ADPGK: variants seen among roughly 807,000 people sequenced by gnomAD.
ADPGK encodes ADP-dependent glucokinase.
Under a neutral mutation model 42.4 loss-of-function variants are expected in ADPGK, and 26 were observed. The observed-to-expected ratio is 0.61, with a 90% CI of 0.45 to 0.85. ADPGK has a LOEUF of 0.85. Among genes scored for constraint, ADPGK ranks in the 40% least tolerant of loss-of-function variants. ADPGK has a pLI of 0.00. For missense variants in ADPGK, 571 were observed against 627.0 expected, an observed-to-expected ratio of 0.91 and a Z score of 0.95; for synonymous variants, 267 against 252.6, an observed-to-expected ratio of 1.06 and a Z score of -0.54.
Position 72,756,277 on chromosome 15 carries a change from C to G in ADPGK, c.814G>C (p.Glu272Gln), listed in dbSNP as rs748487995. 1 of 1,614,210 alleles carries G rather than the reference C, an allele frequency of 6.2e-7. No individual in the cohort carries two copies. Among genetic ancestry groups the G allele is most frequent in the Non-Finnish European group, 8.5e-7 (1 of 1,180,040 alleles). Residue 272 changes from glutamate to glutamine, a missense_variant, in exon 5 of 7, where the codon GAG becomes CAG. Glu to Gln is a conservative substitution (Grantham distance 29, BLOSUM62 2). This residue lies in a region of ADPGK where 434 missense variants were observed against 522.7 expected (regional missense o/e 0.83). Coordinates refer to ENST00000456471, the MANE Select transcript of ADPGK (RefSeq NM_001365225.1). The part of the protein sequence containing the change: ...GLHMMEGQSK[E>Q]LQRKRLLEVV... ...TCCAAGAGTCTCTTCCTCTGGAGCT[C>G]CTTGCTTTGTCCCTCCATCATGTGC...
At position 72,783,691 on chromosome 15, in the gene ADPGK, T is replaced by TG; in HGVS notation, c.-1dup. 2 of 1,478,034 alleles carry TG rather than the reference T, an allele frequency of 1.4e-6. No individual in the cohort carries two copies. Among genetic ancestry groups the TG allele is most frequent in the Non-Finnish European group, 8.9e-7 (1 of 1,121,018 alleles). The allele number at this position is 1,478,034 out of a possible 1,614,324, so 91.6% of individuals were successfully genotyped here. A position where few individuals can be genotyped will look rare whatever the true frequency, so the allele number is the denominator to read the frequency against. ...TACGCGGAGCCGCGCCACAGCGCCA[T>TG]GGGGACCCAGGCGCCGCACCTGCGC... is the stretch of plus-strand genomic sequence containing the variant. On this transcript the variant is annotated 5_prime_UTR_variant, in exon 1 of 7. Transcript: ENST00000456471.
chr15:72,778,727 C>G (rs750051928), intron 1 of ADPGK, among the ~76,000 whole-genome samples: 10 of 152,176 alleles, frequency 6.6e-5, no homozygotes, highest in Admixed American at 1.3e-4. Flanking sequence ...AAGGTTTTCT[C>G]TAGCTTTACA....
At chr15:72,783,256 G>C in intron 1 of ADPGK, 1 of 1,241,502 alleles carries the variant, frequency 8.1e-7, no homozygotes, top group African/African-American at 1.5e-5. Flanking sequence ...CGGGATGAGA[G>C]AAAGGCGCAG....
At chr15:72,768,966 C>T (rs1408482585) in intron 3 of ADPGK, among the ~76,000 whole-genome samples, 3 of 117,518 alleles carry the variant, frequency 2.6e-5, no homozygotes, top group African/African-American at 8.1e-5. Flanking sequence ...AAGGCCAGAT[C>T]CTGTCTCTCA....
chr15:72,752,733 TC>T lies in ADPGK; in HGVS notation c.1101del (p.Arg368GlyfsTer53). On this transcript the variant is annotated frameshift_variant, in exon 7 of 7. Transcript: ENST00000456471. LOFTEE classifies it high-confidence loss of function. Reference protein sequence around the residue: ...DILFWILKEHGRSKSRASDLT... With the variant: ...DILFWILKEHXRSKSRASDLT... ...AGATCCGAGGCTCTGCTTTTACTCC[TC>T]CCATGTTCTTTCAAGATCCAGAAGA... 6.2e-7 allele frequency: 1 copy of T among 1,614,108 alleles called. No individual in the cohort carries two copies. Among genetic ancestry groups the T allele is most frequent in the Non-Finnish European group, 8.5e-7 (1 of 1,180,016 alleles).
At chr15:72,778,549 A>T (rs927325400) in intron 1 of ADPGK, among the ~76,000 whole-genome samples, 7 of 152,164 alleles carry the variant, frequency 4.6e-5, no homozygotes, top group Admixed American at 4.6e-4. Context: ...GAAAACACAG[A>T]TGAAACAACT....
chr15:72,760,467 C>T lies in ADPGK; in HGVS notation c.583G>A (p.Val195Ile), dbSNP rs1403512597. 2 of 1,610,766 alleles carry T rather than the reference C, an allele frequency of 1.2e-6. No individual in the cohort carries two copies. Among genetic ancestry groups the T allele is most frequent in the Non-Finnish European group, 1.7e-6 (2 of 1,177,454 alleles). ...LHELLDDNVFVPPESLQEVDE... is the reference protein window; with the variant it reads ...LHELLDDNVFIPPESLQEVDE... Reference sequence around the variant, plus strand: ...ACTTCCTGCAATGACTCTGGTGGAACAAAGACATTGTCATCAAGAAGCTCA... The same window carrying T: ...ACTTCCTGCAATGACTCTGGTGGAATAAAGACATTGTCATCAAGAAGCTCA... The change falls in exon 4 of 7, where the codon GTT becomes ATT. Residue 195 changes from valine (V) to isoleucine (I), a missense_variant. Coordinates refer to ENST00000456471, the MANE Select transcript of ADPGK (RefSeq NM_001365225.1).
At chr15:72,780,209 C>T (rs568445472) in intron 1 of ADPGK, among the ~76,000 whole-genome samples, 3 of 152,268 alleles carry the variant, frequency 2.0e-5, no homozygotes, top group South Asian at 2.1e-4. Flanking sequence ...TTCAGCATGG[C>T]TGGGAAGGCC....
chr15:72,754,028 A>T (rs1411596582), intron 6 of ADPGK, among the ~76,000 whole-genome samples: 1 of 150,284 alleles, frequency 6.7e-6, no homozygotes, highest in Admixed American at 6.7e-5. Flanking sequence ...GTATATGGGA[A>T]CTCTCTTGGA....
At chr15:72,758,079 T>A in intron 4 of ADPGK, 3 of 1,612,190 alleles carry the variant, frequency 1.9e-6, no homozygotes, top group Non-Finnish European at 2.5e-6. Flanking sequence ...AAGAGTCTCT[T>A]CCTCTGGAGC....
At chr15:72,776,819 T>A (rs777151177) in intron 1 of ADPGK, among the ~76,000 whole-genome samples, 1 of 152,214 alleles carries the variant, frequency 6.6e-6, no homozygotes, top group African/African-American at 2.4e-5. Flanking sequence ...GTTTTGCCTA[T>A]CAAATAGCAT....
chr15:72,758,567 A>G, intron 4 of ADPGK: 1 of 214,064 alleles, frequency 4.7e-6, no homozygotes, highest in Non-Finnish European at 9.5e-6. Flanking sequence ...GGAAAATGTC[A>G]CCTCACAAAG....
rs1307447538 is a variant in ADPGK, at chr15:72,768,959, G to C, written c.522+2824C>G. The stretch of plus-strand genomic sequence containing the variant: ...ACTGCACTCCAGCCTGGATGACAAG[G>C]CCAGATCCTGTCTCTCAAAAAAAAA... On this transcript the variant is annotated intron_variant, in intron 3 of 6. Transcript: ENST00000456471. 2.1e-5 allele frequency among the ~76,000 whole-genome samples: 3 copies of C among 139,728 alleles called. No individual in the cohort carries two copies. The Admixed American group carries it at 2.3e-4, about 11-fold the overall frequency. The allele number at this position is 139,728 out of a possible 152,430, so 91.7% of individuals were successfully genotyped here.
intron 1 of ADPGK, among the ~76,000 whole-genome samples, chr15:72,777,132 CTCA>C (rs2151092515): frequency 6.6e-6 from 1 of 152,302 alleles, no homozygotes; most frequent in South Asian, 2.1e-4. Flanking sequence ...GCAAACTGGT[CTCA>C]ATTTTACCTC....
chr15:72,774,073 G>A (rs1364590671), intron 2 of ADPGK, among the ~76,000 whole-genome samples: 1 of 152,140 alleles, frequency 6.6e-6, no homozygotes, highest in Admixed American at 6.5e-5. Context: ...AAACTCCTGG[G>A]CTCAAGCAAT....
At chr15:72,760,255 T>C in intron 4 of ADPGK, 152 bp downstream of exon 4, 1 of 962,834 alleles carries the variant, frequency 1.0e-6, no homozygotes, top group Non-Finnish European at 1.5e-6. Context: ...CAGTATCAGC[T>C]CAGTAGAACC....
chr15:72,769,363 TGA>T (rs1396286912), intron 3 of ADPGK, among the ~76,000 whole-genome samples: 1 of 152,226 alleles, frequency 6.6e-6, no homozygotes, highest in Non-Finnish European at 1.5e-5. Context: ...TATATTTTTT[TGA>T]GATGGAGTCT....
At chr15:72,764,730 T>C (rs2066236944) in intron 3 of ADPGK, among the ~76,000 whole-genome samples, 1 of 152,194 alleles carries the variant, frequency 6.6e-6, no homozygotes, top group African/African-American at 2.4e-5. Context: ...GAAGATGCCA[T>C]CTAGGACTTT....
chr15:72,757,978 G>T, intron 4 of ADPGK: 5 of 1,253,526 alleles, frequency 4.0e-6, no homozygotes, highest in Non-Finnish European at 5.6e-6. Context: ...GTTTCCACAG[G>T]AAACAAGGCA....
Sources: allele counts gnomAD v4.1 joint callset (sites outside exome capture counted in the v4.1 genomes callset), GRCh38; gene constraint gnomAD v4.1.1; regional missense constraint gnomAD v4.1.1; transcripts MANE v1.5; gene names NCBI Gene and HGNC (gene_info 2026-07-23, HGNC 2026-07-21).